Variants in CDKN2B-AS1 observed in about 807,000 individuals in gnomAD.
CDKN2B-AS1 encodes CDKN2B and CDKN2A antisense cis and trans regulatory RNA 1, also known as CDKN2B antisense RNA 1 (non-protein coding).
At chr9:22,016,699 A>G (rs1821779251) in intron 1 of CDKN2B-AS1, among the ~76,000 whole-genome samples, 1 of 152,212 alleles carries the variant, frequency 6.6e-6, no homozygotes, top group African/African-American at 2.4e-5. Context: ...CAATGGGGAA[A>G]GGATTCCCTA....
At chr9:22,016,606 A>G (rs1055680726) in intron 1 of CDKN2B-AS1, among the ~76,000 whole-genome samples, 3 of 152,152 alleles carry the variant, frequency 2.0e-5, no homozygotes, top group Non-Finnish European at 2.9e-5. Flanking sequence ...AGAGATATAG[A>G]TCAATGGAAC....
At chr9:22,121,508 T>C (rs896699532) in intron 4 of CDKN2B-AS1, among the ~76,000 whole-genome samples, 6 of 152,194 alleles carry the variant, frequency 3.9e-5, no homozygotes, top group African/African-American at 1.4e-4. Context: ...TCTTTCTATG[T>C]AGCTATAATT....
chr9:22,028,914 T>G (rs138967450), intron 1 of CDKN2B-AS1, among the ~76,000 whole-genome samples: 77 of 152,298 alleles, frequency 5.1e-4, no homozygotes, highest in African/African-American at 1.8e-3. Context: ...ACCACCATAT[T>G]ACTATGAAAC....
At chr9:22,019,859 C>G (rs111473523) in intron 1 of CDKN2B-AS1, among the ~76,000 whole-genome samples, 2 of 151,942 alleles carry the variant, frequency 1.3e-5, no homozygotes, top group African/African-American at 4.8e-5. Flanking sequence ...GGAATTAATA[C>G]CAAACCCTTT....
At chr9:22,084,318 G>A (rs182546869) in intron 4 of CDKN2B-AS1, among the ~76,000 whole-genome samples, 1 of 152,152 alleles carries the variant, frequency 6.6e-6, no homozygotes, top group African/African-American at 2.4e-5. Flanking sequence ...CTTCGTAAAA[G>A]AAGCAATATA....
At chr9:22,069,565 T>C (rs1398371474) in intron 4 of CDKN2B-AS1, among the ~76,000 whole-genome samples, 1 of 152,230 alleles carries the variant, frequency 6.6e-6, no homozygotes, top group Non-Finnish European at 1.5e-5. Flanking sequence ...AATTATGGGA[T>C]ACAATTTGAT....
At position 21,995,329 on chromosome 9, in the gene CDKN2B-AS1, G is replaced by C. The variant is rs1279327581; in HGVS notation, n.29+168G>C. On this transcript the variant is annotated intron_variant and non_coding_transcript_variant, in intron 1 of 4. Transcript: ENST00000650946. The surrounding 1 kb of genome is among the most constrained non-coding windows in gnomAD (Gnocchi z 5.7). ...CACGACAGCCGCGGAGCATCTGAGC[G>C]CTTCTTCCTCTTTCCTCTTCCCCCG... The C allele has an allele frequency of 6.6e-6, 1 of 152,484 alleles. No individual in the cohort carries two copies. The highest frequency in any genetic ancestry group is 1.5e-5 in the Non-Finnish European group (1 of 68,228). The allele number at this position is 152,484 out of a possible 1,614,324, so 9.4% of individuals were successfully genotyped here. A position where few individuals can be genotyped will look rare whatever the true frequency, so the allele number is the denominator to read the frequency against.
chr9:22,039,153 C>A lies in CDKN2B-AS1; in HGVS notation n.30-7598C>A, dbSNP rs1822805150. On this transcript the variant is annotated intron_variant and non_coding_transcript_variant, in intron 1 of 4. Transcript: ENST00000650946. The surrounding 1 kb of genome is among the most constrained non-coding windows in gnomAD (Gnocchi z 4.4). The stretch of plus-strand genomic sequence containing the variant: ...AAATGACAAAAACTTAAAATGACAT[C>A]TAATTTTTTAAGGCCAAGAATCATT... 6.6e-6 allele frequency among the ~76,000 whole-genome samples: 1 copy of A among 151,804 alleles called. No homozygotes were observed. Among genetic ancestry groups the A allele is most frequent in the Non-Finnish European group, 1.5e-5 (1 of 67,902 alleles).
intron 4 of CDKN2B-AS1, among the ~76,000 whole-genome samples, chr9:22,100,251 A>T (rs1264856352): frequency 6.6e-6 from 1 of 152,138 alleles, no homozygotes; most frequent in East Asian, 1.9e-4. Context: ...AACCATTCCT[A>T]CAATGGTTAT....
At chr9:22,112,487 T>C (rs1265447559) in intron 4 of CDKN2B-AS1, 1 of 152,214 alleles carries the variant, frequency 6.6e-6, no homozygotes, top group East Asian at 1.9e-4. Flanking sequence ...TGCCCATCTC[T>C]GGACCAATAC....
chr9:22,109,244 C>A (rs1825739910), intron 4 of CDKN2B-AS1, among the ~76,000 whole-genome samples: 1 of 152,194 alleles, frequency 6.6e-6, no homozygotes. Flanking sequence ...CTTTCCCTAT[C>A]AGCTGGCTCA....
chr9:22,041,360 G>C (rs1392521845), intron 1 of CDKN2B-AS1, among the ~76,000 whole-genome samples: 1 of 151,990 alleles, frequency 6.6e-6, no homozygotes, highest in Non-Finnish European at 1.5e-5. Context: ...TTGTCTAGCT[G>C]TTGAGATCCT....
intron 1 of CDKN2B-AS1, among the ~76,000 whole-genome samples, chr9:22,038,772 T>G (rs191627774): frequency 4.0e-4 from 61 of 152,098 alleles, no homozygotes; most frequent in Non-Finnish European, 6.9e-4. Flanking sequence ...TAGAAAAAAA[T>G]CCATTATTTG....
chr9:22,044,216 A>G (rs1037764364), intron 1 of CDKN2B-AS1, among the ~76,000 whole-genome samples: 1 of 151,990 alleles, frequency 6.6e-6, no homozygotes, highest in Non-Finnish European at 1.5e-5. Flanking sequence ...TATTTTACAA[A>G]AATTTGGATG....
chr9:22,062,831 G>T (rs2131301116), intron 4 of CDKN2B-AS1, among the ~76,000 whole-genome samples: 1 of 152,076 alleles, frequency 6.6e-6, no homozygotes, highest in South Asian at 2.1e-4. Flanking sequence ...AAGGATTAGA[G>T]ATAATATTAG....
At chr9:22,070,952 T>C (rs1259510314) in intron 4 of CDKN2B-AS1, among the ~76,000 whole-genome samples, 2 of 152,054 alleles carry the variant, frequency 1.3e-5, no homozygotes, top group Non-Finnish European at 2.9e-5. Flanking sequence ...TATCTTGTGA[T>C]ACATGGGCCT....
intron 4 of CDKN2B-AS1, among the ~76,000 whole-genome samples, chr9:22,072,618 C>T (rs1167496759): frequency 1.3e-5 from 2 of 152,194 alleles, no homozygotes; most frequent in Non-Finnish European, 2.9e-5. Context: ...TATAGCACAG[C>T]TTGAATAAAT....
intron 1 of CDKN2B-AS1, among the ~76,000 whole-genome samples, chr9:22,015,146 A>G (rs1821686161): frequency 6.6e-6 from 1 of 152,068 alleles, no homozygotes; most frequent in Non-Finnish European, 1.5e-5. Context: ...GGCTGGGTCA[A>G]ATGGTATTTC....
intron 4 of CDKN2B-AS1, among the ~76,000 whole-genome samples, chr9:22,076,870 G>C (rs962378340): frequency 1.3e-5 from 2 of 152,006 alleles, no homozygotes; most frequent in East Asian, 3.9e-4. Context: ...TTTTTGTAGA[G>C]ACAGGGTTTC....
Sources: gnomAD v4.1 joint callset for allele counts (sites outside exome capture counted in the v4.1 genomes callset) on GRCh38, gnomAD v4.1.1 for gene constraint, Gnocchi (gnomAD v3.1) non-coding constraint, MANE v1.5 for transcripts, NCBI Gene and HGNC (gene_info 2026-07-23, HGNC 2026-07-21) for gene names.